LMNB1: variants seen among roughly 807,000 people sequenced by gnomAD.
The protein encoded by LMNB1 is lamin-B1.
A neutral mutation model predicts 67.1 loss-of-function variants in LMNB1; 23 were observed. The ratio of observed to expected loss-of-function variants is 0.34; its 90% CI spans 0.25 to 0.49. The LOEUF is 0.49. Among genes scored for constraint, LMNB1 ranks in the 20% least tolerant of loss-of-function variants. The probability of loss-of-function intolerance (pLI) is 0.99; values close to 1 mark genes in which losing one functional copy is unlikely to be tolerated. For missense variants in LMNB1, 634 were observed against 746.5 expected, an observed-to-expected ratio of 0.85 and a Z score of 1.76; for synonymous variants, 281 against 282.9, an observed-to-expected ratio of 0.99 and a Z score of 0.07.
Position 126,786,647 on chromosome 5 carries a change from C to T in LMNB1, c.359+8780C>T, listed in dbSNP as rs558701969. ...GGTTTACCGACATGTAGCAGGCTCA[C>T]AGAGCATCATTATCTGTGGTTGGTA... is the stretch of plus-strand genomic sequence containing the variant. On this transcript the variant is annotated intron_variant, in intron 1 of 10. Transcript: ENST00000261366. Among the ~76,000 whole-genome samples the T allele has an allele frequency of 2.0e-5, 3 of 152,322 alleles. No individual in the cohort carries two copies. In the South Asian group the frequency reaches 6.2e-4, roughly 32 times the overall value.
rs186364428 is a variant in LMNB1, at chr5:126,790,973, G to C, written c.359+13106G>C. Among the ~76,000 whole-genome samples, 776 of 151,986 alleles carry C rather than the reference G, an allele frequency of 5.1e-3. 5 individuals are homozygous for C. The highest frequency in any genetic ancestry group is 9.2e-3 in the Admixed American group (141 of 15,260). ...GAGGTGGAGGTTGCAATGAGCCCAG[G>C]TCGCGCCATTGCACTCCAGCCTGAG... is the stretch of plus-strand genomic sequence containing the variant. On this transcript the variant is annotated intron_variant, in intron 1 of 10. Transcript: ENST00000261366.
chr5:126,793,292 C>T (rs771497741), intron 1 of LMNB1, among the ~76,000 whole-genome samples: 11 of 151,924 alleles, frequency 7.2e-5, no homozygotes, highest in Non-Finnish European at 5.9e-5. Context: ...GAGTCTGCTC[C>T]ATACTCCTGT....
intron 1 of LMNB1, among the ~76,000 whole-genome samples, chr5:126,780,022 C>A (rs1445831475): frequency 6.6e-6 from 1 of 151,014 alleles, no homozygotes; most frequent in African/African-American, 2.4e-5. Context: ...CAGAGTGAGA[C>A]CCCATCTCAA....
chr5:126,826,173 T>C, intron 9 of LMNB1, 66 bp downstream of exon 9: 3 of 1,530,432 alleles, frequency 2.0e-6, no homozygotes, highest in Non-Finnish European at 2.7e-6. Context: ...GCAAGTATAA[T>C]CAAGATCAGA....
chr5:126,811,605 CAG>C, intron 4 of LMNB1, 166 bp from the exon 5 acceptor site: 1 of 491,002 alleles, frequency 2.0e-6, no homozygotes. Flanking sequence ...AAAAGTCACA[CAG>C]AATTACCATC....
At chr5:126,787,546 A>ATATATATATATATATATATTTTTTT in intron 1 of LMNB1, among the ~76,000 whole-genome samples, 2 of 65,568 alleles carry the variant, frequency 3.1e-5, no homozygotes, top group East Asian at 6.6e-4. Flanking sequence ...ATATATATAT[A>ATATATATATATATATATATTTTTTT]TTTTTTTTTT....
chr5:126,789,765 C>A (rs1177529244), intron 1 of LMNB1, among the ~76,000 whole-genome samples: 1 of 152,072 alleles, frequency 6.6e-6, no homozygotes, highest in African/African-American at 2.4e-5. Flanking sequence ...CCTCTGCCTT[C>A]CAGTTTCAAG....
In LMNB1 at chr5:126,819,148, G is replaced by A. The variant is rs751487377; in HGVS notation, c.1160+6G>A. ...TTAGAAGGCGAAGAAGAGAGGTAAG[G>A]AACTTAAGGGTCACCCTACCTTATG... On this transcript the variant is annotated splice_donor_region_variant and intron_variant, in intron 6 of 10. Transcript: ENST00000261366. 20 of 1,602,838 alleles carry A rather than the reference G, an allele frequency of 1.2e-5. No homozygotes were observed. Among genetic ancestry groups the A allele is most frequent in the Non-Finnish European group, 1.6e-5 (19 of 1,170,532 alleles).
intron 1 of LMNB1, among the ~76,000 whole-genome samples, chr5:126,784,386 C>G (rs1413847203): frequency 7.0e-6 from 1 of 143,822 alleles, no homozygotes; most frequent in African/African-American, 2.6e-5. Flanking sequence ...GGCAGGGTCT[C>G]GCTGTGTCGC....
At position 126,787,546 on chromosome 5, in the gene LMNB1, AT is replaced by A. The variant is rs142332901; in HGVS notation, c.359+9697del. Among the ~76,000 whole-genome samples the A allele has an allele frequency of 4.7e-3, 307 of 65,548 alleles. 5 individuals are homozygous for A. Among genetic ancestry groups the A allele is most frequent in the African/African-American group, 0.017 (258 of 15,230 alleles). The allele number at this position is 65,548 out of a possible 152,430, so 43.0% of individuals were successfully genotyped here. A position where few individuals can be genotyped will look rare whatever the true frequency, so the allele number is the denominator to read the frequency against. On this transcript the variant is annotated intron_variant, in intron 1 of 10. Transcript: ENST00000261366. ...GGGGTATATATATATATATATATAT[AT>A]TTTTTTTTTTTTTTTTTGAGATAGA... is the stretch of plus-strand genomic sequence containing the variant.
intron 3 of LMNB1, among the ~76,000 whole-genome samples, chr5:126,808,640 T>A (rs961255178): frequency 1.6e-4 from 25 of 152,250 alleles, no homozygotes; most frequent in Non-Finnish European, 2.9e-4. Context: ...TCTTCAGTAT[T>A]TTTGTGATTT....
chr5:126,819,212 A>C, intron 6 of LMNB1, 70 bp downstream of exon 6: 1 of 998,098 alleles, frequency 1.0e-6, no homozygotes, highest in Non-Finnish European at 1.5e-6. Context: ...TTGAAATAAA[A>C]ATAAATAGCA....
chr5:126,780,508 G>A (rs140680370), intron 1 of LMNB1, among the ~76,000 whole-genome samples: 3,131 of 152,280 alleles, frequency 0.021, 36 homozygotes, highest in Non-Finnish European at 0.031. Flanking sequence ...GTTAAAAAAT[G>A]AGAATAATGT....
chr5:126,830,439 T>C (rs1382182198), intron 9 of LMNB1, among the ~76,000 whole-genome samples: 1 of 152,268 alleles, frequency 6.6e-6, no homozygotes, highest in East Asian at 1.9e-4. Context: ...CAACAGCTTT[T>C]TGGTTCTAAA....
At chr5:126,801,381 T>C (rs1751283787) in intron 1 of LMNB1, among the ~76,000 whole-genome samples, 1 of 152,192 alleles carries the variant, frequency 6.6e-6, no homozygotes, top group Admixed American at 6.6e-5. Flanking sequence ...AAATTTCCAC[T>C]GGTATCATTG....
intron 1 of LMNB1, among the ~76,000 whole-genome samples, chr5:126,799,135 C>T (rs1201940466): frequency 6.6e-6 from 1 of 151,746 alleles, no homozygotes; most frequent in Non-Finnish European, 1.5e-5. Context: ...TCTCCTGCCT[C>T]AGCCTCCCGA....
intron 1 of LMNB1, among the ~76,000 whole-genome samples, chr5:126,778,131 G>A (rs1750521614): frequency 6.6e-6 from 1 of 152,212 alleles, no homozygotes; most frequent in Non-Finnish European, 1.5e-5. Flanking sequence ...GACGTGGTAA[G>A]TGCGCGCCTG....
chr5:126,827,263 A>C (rs1201182886), intron 9 of LMNB1, among the ~76,000 whole-genome samples: 2 of 152,208 alleles, frequency 1.3e-5, no homozygotes, highest in Non-Finnish European at 2.9e-5. Context: ...AGCAGGAAAA[A>C]AGCCATACGT....
At chr5:126,781,185 A>G (rs901823515) in intron 1 of LMNB1, among the ~76,000 whole-genome samples, 2 of 152,124 alleles carry the variant, frequency 1.3e-5, no homozygotes, top group African/African-American at 4.8e-5. Flanking sequence ...GTTACTGTGG[A>G]GGCTGAGGCA....
Sources: gnomAD v4.1 joint callset for allele counts (sites outside exome capture counted in the v4.1 genomes callset) on GRCh38, gnomAD v4.1.1 for gene constraint, MANE v1.5 for transcripts, NCBI Gene and HGNC (gene_info 2026-07-23, HGNC 2026-07-21) for gene names.